TMEM135: variants seen among roughly 807,000 people sequenced by gnomAD.
TMEM135 encodes the protein transmembrane protein 135.
Under a neutral mutation model 60.3 loss-of-function variants are expected in TMEM135, and 30 were observed. The ratio of observed to expected loss-of-function variants is 0.50; its 90% CI spans 0.37 to 0.68. The LOEUF (loss-of-function observed/expected upper bound fraction) is 0.68. TMEM135 is among the 30% of genes least tolerant of loss of function. The probability of loss-of-function intolerance (pLI) is 0.00; values close to 1 mark genes in which losing one functional copy is unlikely to be tolerated. For missense variants in TMEM135, 468 were observed against 548.8 expected (o/e 0.85, Z 1.47); for synonymous variants, 190 against 186.7 (o/e 1.02, Z -0.14).
At chr11:87,148,747 A>G (rs1158550129) in intron 4 of TMEM135, among the ~76,000 whole-genome samples, 1 of 152,182 alleles carries the variant, frequency 6.6e-6, no homozygotes, top group Admixed American at 6.5e-5. Flanking sequence ...AATAGAATAA[A>G]TACAAGAACA....
chr11:87,070,127 T>G (rs144563480), intron 2 of TMEM135, among the ~76,000 whole-genome samples: 63 of 152,208 alleles, frequency 4.1e-4, no homozygotes, highest in African/African-American at 1.4e-3. Flanking sequence ...GAACCATGAT[T>G]GTAGCACTGC....
intron 4 of TMEM135, among the ~76,000 whole-genome samples, chr11:87,137,676 T>TG (rs1044922572): frequency 6.6e-6 from 1 of 151,904 alleles, no homozygotes; most frequent in Non-Finnish European, 1.5e-5. Flanking sequence ...CAGCATTTTT[T>TG]TTTTATTATT....
intron 6 of TMEM135, among the ~76,000 whole-genome samples, chr11:87,257,387 A>G (rs149772197): frequency 3.9e-5 from 6 of 152,276 alleles, no homozygotes; most frequent in African/African-American, 1.4e-4. Flanking sequence ...GAGGTAATCA[A>G]AAGACACTAT....
At position 87,324,398 on chromosome 11, in the gene TMEM135, A is replaced by G; in HGVS notation, c.*3065A>G. 1 of 453,890 alleles carries G rather than the reference A, an allele frequency of 2.2e-6. No individual in the cohort carries two copies. Among genetic ancestry groups the G allele is most frequent in the Non-Finnish European group, 4.4e-6 (1 of 226,740 alleles). The allele number at this position is 453,890 out of a possible 1,614,324, so 28.1% of individuals were successfully genotyped here. Reference sequence around the variant, plus strand: ...TGGAGCAGAGAAATTATTAGCCCAGAGATTCCTTAAATTCTCCGTGTGATT... The same window carrying G: ...TGGAGCAGAGAAATTATTAGCCCAGGGATTCCTTAAATTCTCCGTGTGATT... On this transcript the variant is annotated 3_prime_UTR_variant, in exon 15 of 15. Transcript: ENST00000305494.
At chr11:87,315,530 C>G (rs1942713190) in intron 12 of TMEM135, among the ~76,000 whole-genome samples, 1 of 151,730 alleles carries the variant, frequency 6.6e-6, no homozygotes, top group African/African-American at 2.4e-5. Flanking sequence ...CCCCAGTAGC[C>G]CTATAGCTAT....
At chr11:87,086,197 A>G (rs1857092238) in intron 3 of TMEM135, among the ~76,000 whole-genome samples, 1 of 152,158 alleles carries the variant, frequency 6.6e-6, no homozygotes, top group Admixed American at 6.5e-5. Flanking sequence ...GGCTATGTCT[A>G]GTAATTCCAT....
intron 6 of TMEM135, among the ~76,000 whole-genome samples, chr11:87,242,064 A>C (rs1328456010): frequency 1.4e-5 from 2 of 140,718 alleles, no homozygotes; most frequent in Admixed American, 7.5e-5. Flanking sequence ...ATGTGTTCTC[A>C]TTGTTCAGTT....
chr11:87,271,770 T>C (rs1941867150), intron 6 of TMEM135, among the ~76,000 whole-genome samples: 1 of 151,680 alleles, frequency 6.6e-6, no homozygotes, highest in Admixed American at 6.6e-5. Context: ...CCCCTCTCTA[T>C]AAAAAATACA....
intron 9 of TMEM135, 103 bp downstream of exon 9, chr11:87,306,108 A>G: frequency 1.5e-6 from 1 of 651,948 alleles, no homozygotes; most frequent in Non-Finnish European, 2.3e-6. Context: ...AGTTGACATT[A>G]ATAAATGCTA....
At chr11:87,056,647 A>G (rs1190470153) in intron 1 of TMEM135, among the ~76,000 whole-genome samples, 1 of 152,218 alleles carries the variant, frequency 6.6e-6, no homozygotes, top group Non-Finnish European at 1.5e-5. Context: ...AGTGGAATTT[A>G]TGTATCAACA....
intron 4 of TMEM135, among the ~76,000 whole-genome samples, chr11:87,109,508 A>G (rs1857687963): frequency 6.6e-6 from 1 of 152,174 alleles, no homozygotes; most frequent in Admixed American, 6.5e-5. Flanking sequence ...TGAGATACTA[A>G]ATTGCCAGCA....
rs1427707894 is a variant in TMEM135 at position 87,302,416 on chromosome 11, T to G, written c.672T>G (p.Gly224=). ...AACCCGGAAGAATGAATATGATTGGTCTAGTCAGGAAATTTGTGGATTCAA... is the reference window on the plus strand; with the variant it reads ...AACCCGGAAGAATGAATATGATTGGGCTAGTCAGGAAATTTGTGGATTCAA... The part of the protein sequence containing the change: ...EEKPGRMNMI[G]LVRKFVDSIC... Residue 224 remains glycine, a synonymous_variant, in exon 8 of 15, where the codon GGT becomes GGG. Coordinates refer to ENST00000305494, the MANE Select transcript of TMEM135 (RefSeq NM_022918.4). The G allele has an allele frequency of 3.1e-6, 5 of 1,613,752 alleles. No individual in the cohort carries two copies. Among genetic ancestry groups the G allele is most frequent in the Non-Finnish European group, 4.2e-6 (5 of 1,179,908 alleles).
At chr11:87,071,431 T>C (rs1392613705) in intron 2 of TMEM135, 92 bp from the exon 3 acceptor site, 1 of 920,072 alleles carries the variant, frequency 1.1e-6, no homozygotes, top group Non-Finnish European at 1.8e-6. Flanking sequence ...TACATTTAAA[T>C]AGAGTATGGA....
chr11:87,126,439 T>TA (rs1290999751), intron 4 of TMEM135, among the ~76,000 whole-genome samples: 1 of 151,892 alleles, frequency 6.6e-6, no homozygotes, highest in African/African-American at 2.4e-5. Context: ...ATCCTTTCAA[T>TA]AAAAAAGTTT....
intron 5 of TMEM135, among the ~76,000 whole-genome samples, chr11:87,161,593 T>A (rs1447665866): frequency 6.6e-6 from 1 of 152,200 alleles, no homozygotes; most frequent in Admixed American, 6.5e-5. Context: ...TGCTTCTTAA[T>A]TAAATCATTT....
intron 4 of TMEM135, among the ~76,000 whole-genome samples, chr11:87,128,819 T>C (rs1402710969): frequency 1.3e-5 from 2 of 152,184 alleles, no homozygotes; most frequent in Admixed American, 1.3e-4. Flanking sequence ...GCAGCATGTT[T>C]GTAATTATGA....
At chr11:87,068,950 G>A (rs1856720361) in intron 2 of TMEM135, among the ~76,000 whole-genome samples, 1 of 151,790 alleles carries the variant, frequency 6.6e-6, no homozygotes, top group Non-Finnish European at 1.5e-5. Context: ...AACAAATCAT[G>A]CCTTTAAATT....
chr11:87,145,687 G>GT (rs1436191189), intron 4 of TMEM135, among the ~76,000 whole-genome samples: 2 of 127,498 alleles, frequency 1.6e-5, no homozygotes, highest in Admixed American at 8.6e-5. Context: ...TTCTGATGTT[G>GT]ATTTTTTTTT....
chr11:87,075,943 C>G (rs1192062611), intron 3 of TMEM135, among the ~76,000 whole-genome samples: 1 of 152,134 alleles, frequency 6.6e-6, no homozygotes, highest in African/African-American at 2.4e-5. Context: ...TGAGGTGACA[C>G]AAGCATCCCT....
Sources: gnomAD v4.1 joint callset for allele counts (sites outside exome capture counted in the v4.1 genomes callset) on GRCh38, gnomAD v4.1.1 for gene constraint, MANE v1.5 for transcripts, NCBI Gene and HGNC (gene_info 2026-07-23, HGNC 2026-07-21) for gene names.